The following MAF variants were observed in gnomAD, a reference collection of about 807,000 sequenced individuals.
MAF encodes the protein MAF bZIP transcription factor.
A neutral mutation model predicts 22.0 loss-of-function variants in MAF; 10 were observed. The ratio of observed to expected loss-of-function variants is 0.45; its 90% CI spans 0.28 to 0.77. The LOEUF is 0.77. MAF is among the 30% of genes least tolerant of loss of function. MAF has a pLI of 0.12. For synonymous variants in MAF, 337 were observed against 255.8 expected (o/e 1.32, Z -3.03); for missense variants, 544 against 548.4 (o/e 0.99, Z 0.08).
the MAF span, among the ~76,000 whole-genome samples, chr16:79,300,367 C>T: frequency 1.3e-5 from 2 of 152,200 alleles, no homozygotes; most frequent in Non-Finnish European, 2.9e-5. Context: ...CCAGCCTGAC[C>T]AACATGGTGA....
chr16:79,346,084 T>G, the MAF span, among the ~76,000 whole-genome samples: 2 of 152,126 alleles, frequency 1.3e-5, no homozygotes, highest in African/African-American at 4.8e-5. Context: ...ATGTGCAGGT[T>G]TGTTACATAT....
chr16:79,432,167 G>A, the MAF span, among the ~76,000 whole-genome samples: 3 of 152,168 alleles, frequency 2.0e-5, no homozygotes, highest in African/African-American at 7.2e-5. Context: ...GAGTTCTCAT[G>A]AGATCTGATG....
the MAF span, among the ~76,000 whole-genome samples, chr16:79,323,767 C>G: frequency 6.6e-6 from 1 of 152,098 alleles, no homozygotes; most frequent in Admixed American, 6.5e-5. Flanking sequence ...AACAGAGTTT[C>G]CCAGAGGGTT....
At chr16:79,440,961 T>G in the MAF span, among the ~76,000 whole-genome samples, 1 of 152,220 alleles carries the variant, frequency 6.6e-6, no homozygotes, top group Non-Finnish European at 1.5e-5. Context: ...GTTGCTGACA[T>G]ATTGCTATTA....
chr16:79,490,601 T>C, the MAF span, among the ~76,000 whole-genome samples: 4 of 112,502 alleles, frequency 3.6e-5, no homozygotes, highest in Non-Finnish European at 7.8e-5. Context: ...AGTATATGCA[T>C]GCACACATAC....
the MAF span, among the ~76,000 whole-genome samples, chr16:79,314,954 C>T: frequency 6.6e-6 from 1 of 152,142 alleles, no homozygotes; most frequent in Non-Finnish European, 1.5e-5. Flanking sequence ...GAAGCAAAAT[C>T]AATTATTTCT....
chr16:79,258,897 G>A, the MAF span, among the ~76,000 whole-genome samples: 1 of 152,148 alleles, frequency 6.6e-6, no homozygotes, highest in Admixed American at 6.5e-5. Flanking sequence ...GCGACTAGGG[G>A]AGGGAGGGTA....
the MAF span, among the ~76,000 whole-genome samples, chr16:79,306,481 C>A: frequency 6.6e-6 from 1 of 152,098 alleles, no homozygotes; most frequent in African/African-American, 2.4e-5. Flanking sequence ...TGCTTGGCCT[C>A]CTGGTAGAGA....
the MAF span, among the ~76,000 whole-genome samples, chr16:79,344,954 TCTC>T: frequency 6.6e-6 from 1 of 152,184 alleles, no homozygotes; most frequent in African/African-American, 2.4e-5. Flanking sequence ...GAAGGAATAT[TCTC>T]CACCACTCCC....
At chr16:79,502,714 T>TATAA in the MAF span, among the ~76,000 whole-genome samples, 53 of 12,980 alleles carry the variant, frequency 4.1e-3, no homozygotes, top group African/African-American at 0.011. Flanking sequence ...TATAAATATA[T>TATAA]ATATATATAT....
At chr16:79,206,957 C>G in the MAF span, among the ~76,000 whole-genome samples, 2 of 152,124 alleles carry the variant, frequency 1.3e-5, no homozygotes, top group Non-Finnish European at 2.9e-5. Context: ...ATTTGTGTTT[C>G]CAATGAGAGA....
chr16:79,473,155 G>A, the MAF span, among the ~76,000 whole-genome samples: 2 of 152,114 alleles, frequency 1.3e-5, no homozygotes, highest in Admixed American at 6.5e-5. Context: ...CTCAGCGTAG[G>A]GATAGTCCAG....
chr16:79,472,947 C>T, the MAF span, among the ~76,000 whole-genome samples: 29 of 151,906 alleles, frequency 1.9e-4, no homozygotes, highest in African/African-American at 6.5e-4. Flanking sequence ...TACCATATGG[C>T]GCACCAGCCA....
At chr16:79,347,451 G>A in the MAF span, among the ~76,000 whole-genome samples, 4 of 152,214 alleles carry the variant, frequency 2.6e-5, no homozygotes. Flanking sequence ...AACCCAAAGC[G>A]AAGCTGTTCC....
chr16:79,375,053 G>A, the MAF span, among the ~76,000 whole-genome samples: 1 of 152,192 alleles, frequency 6.6e-6, no homozygotes, highest in Admixed American at 6.5e-5. Flanking sequence ...ACATGGGGCT[G>A]AGATGGAGTA....
chr16:79,391,824 T>A, the MAF span, among the ~76,000 whole-genome samples: 1 of 148,510 alleles, frequency 6.7e-6, no homozygotes, highest in Admixed American at 6.7e-5. Flanking sequence ...TTCCCAGTAA[T>A]GAGGCATGGG....
the MAF span, among the ~76,000 whole-genome samples, chr16:79,433,421 C>A: frequency 0.052 from 7,836 of 151,356 alleles, 684 homozygotes; most frequent in African/African-American, 0.18. Flanking sequence ...CCTTGGCCAC[C>A]AGGGTGCTCA....
downstream of MAF, among the ~76,000 whole-genome samples, chr16:79,585,300 T>C (rs190191907): frequency 2.3e-3 from 349 of 152,324 alleles, 2 homozygotes; most frequent in African/African-American, 8.0e-3. Context: ...TTCCCCTTCT[T>C]CCTTGTATTG....
the MAF span, among the ~76,000 whole-genome samples, chr16:79,412,910 C>T: frequency 3.3e-5 from 5 of 152,320 alleles, no homozygotes; most frequent in East Asian, 1.9e-4. Flanking sequence ...TTGGGCTTCG[C>T]CTTGCCCTGT....
Sources: allele counts gnomAD v4.1 joint callset (sites outside exome capture counted in the v4.1 genomes callset), GRCh38; gene constraint gnomAD v4.1.1; transcripts MANE v1.5; gene names NCBI Gene and HGNC (gene_info 2026-07-23, HGNC 2026-07-21).